DMD: variants seen among roughly 807,000 people sequenced by gnomAD.
The protein encoded by DMD is mutant dystrophin.
DMD carries 63 observed loss-of-function variants against 330.1 expected under a neutral mutation model. The ratio of observed to expected loss-of-function variants is 0.19; its 90% CI spans 0.16 to 0.24. The LOEUF is 0.24. DMD is among the 10% of genes least tolerant of loss of function. DMD has a pLI of 1.00. For missense variants in DMD, 3,344 were observed against 2,684.1 expected (o/e 1.25, Z -5.43); for synonymous variants, 1,223 against 959.8 (o/e 1.27, Z -5.07).
At chrX:31,634,545 C>T (rs960111930) in intron 54 of DMD, among the ~76,000 whole-genome samples, 1 of 111,345 alleles carries the variant, frequency 9.0e-6, no homozygotes, top group Non-Finnish European at 1.9e-5. Flanking sequence ...CTGATACAGA[C>T]ATTTTATTTT....
intron 53 of DMD, among the ~76,000 whole-genome samples, chrX:31,676,319 T>C (rs1187378890): frequency 8.9e-6 from 1 of 112,619 alleles, no homozygotes; most frequent in Non-Finnish European, 1.9e-5. Context: ...TTAGTAGTGA[T>C]GACACATTCG....
intron 29 of DMD, among the ~76,000 whole-genome samples, chrX:32,419,802 T>C (rs924960615): frequency 4.5e-5 from 5 of 112,159 alleles, no homozygotes; most frequent in African/African-American, 1.3e-4. Context: ...GAAGGAAGCA[T>C]ACTTGAAAGT....
At chrX:31,664,711 T>A (rs2081332161) in intron 53 of DMD, among the ~76,000 whole-genome samples, 1 of 103,517 alleles carries the variant, frequency 9.7e-6, no homozygotes, top group South Asian at 4.7e-4. Flanking sequence ...TCTACTTCCA[T>A]TGACACTACC....
intron 55 of DMD, among the ~76,000 whole-genome samples, chrX:31,511,921 A>G (rs1242681831): frequency 9.4e-6 from 1 of 106,916 alleles, no homozygotes; most frequent in African/African-American, 3.4e-5. Context: ...TGACTTCCAC[A>G]ATGGTTGAAC....
chrX:31,705,010 A>T (rs1569264255), intron 52 of DMD, among the ~76,000 whole-genome samples: 1 of 112,438 alleles, frequency 8.9e-6, no homozygotes, highest in Non-Finnish European at 1.9e-5. Flanking sequence ...AAACTAAAAA[A>T]GAAAATTTTC....
rs562907867 is a variant in DMD, at chrX:32,904,862, C to A, written c.94-55042G>T. Among the ~76,000 whole-genome samples the A allele has an allele frequency of 5.0e-4, 56 of 112,437 alleles. 1 individual carries two copies. Among genetic ancestry groups the A allele is most frequent in the African/African-American group, 1.6e-3 (51 of 30,960 alleles). On this transcript the variant is annotated intron_variant, in intron 2 of 78. Coordinates refer to ENST00000357033, the MANE Select transcript of DMD (RefSeq NM_004006.3). ...AAGTGCTGGGATTACAGGCATGAGC[C>A]ACTGCACTCAGCCCATAATGTTTTA...
intron 9 of DMD, among the ~76,000 whole-genome samples, chrX:32,670,632 T>C (rs1301198114): frequency 8.9e-6 from 1 of 112,009 alleles, no homozygotes; most frequent in African/African-American, 3.2e-5. Context: ...AGTGATAACA[T>C]GTATATGTGA....
chrX:33,040,569 A>G (rs1404976772), intron 1 of DMD, among the ~76,000 whole-genome samples: 3 of 111,203 alleles, frequency 2.7e-5, no homozygotes, highest in African/African-American at 9.8e-5. Context: ...ACGGGATAGC[A>G]GCAGCCCATC....
chrX:32,056,932 G>C (rs2096180660), intron 44 of DMD, among the ~76,000 whole-genome samples: 1 of 111,146 alleles, frequency 9.0e-6, no homozygotes, highest in Non-Finnish European at 1.9e-5. Context: ...GAGCCATATA[G>C]GATTTATTCT....
intron 44 of DMD, among the ~76,000 whole-genome samples, chrX:32,025,734 G>C (rs900367174): frequency 9.0e-6 from 1 of 111,501 alleles, no homozygotes; most frequent in Non-Finnish European, 1.9e-5. Flanking sequence ...ATTTTTACCT[G>C]AGAAGTGTGG....
chrX:32,935,171 G>GAT (rs2089912979), intron 2 of DMD, among the ~76,000 whole-genome samples: 1 of 112,736 alleles, frequency 8.9e-6, no homozygotes, highest in Admixed American at 9.4e-5. Context: ...GTAGAGACGG[G>GAT]GTTTCACCGT....
intron 2 of DMD, among the ~76,000 whole-genome samples, chrX:32,922,119 C>G (rs987834484): frequency 9.1e-6 from 1 of 110,225 alleles, no homozygotes; most frequent in African/African-American, 3.3e-5. Flanking sequence ...AAAGGCTCCC[C>G]CAAAGGACTG....
At chrX:31,642,863 G>A (rs888535839) in intron 54 of DMD, among the ~76,000 whole-genome samples, 2 of 111,915 alleles carry the variant, frequency 1.8e-5, no homozygotes, top group Non-Finnish European at 1.9e-5. Context: ...CACAGGATGG[G>A]ACAGCACATC....
intron 64 of DMD, among the ~76,000 whole-genome samples, chrX:31,210,479 C>G (rs1450041751): frequency 1.8e-5 from 2 of 112,210 alleles, no homozygotes; most frequent in African/African-American, 6.5e-5. Context: ...GAAACTTCAA[C>G]CTTGTCCAAC....
At position 32,394,754 on chromosome X, in the gene DMD, G is replaced by C. The variant is rs186049807; in HGVS notation, c.4234-4573C>G. Among the ~76,000 whole-genome samples, 50 of 108,717 alleles carry C rather than the reference G, an allele frequency of 4.6e-4. 1 individual carries two copies. In the South Asian group the frequency reaches 0.02, roughly 43 times the overall value. 94.4% of individuals were successfully genotyped at this position (108,717 alleles called of 115,157 possible). On this transcript the variant is annotated intron_variant, in intron 30 of 78. Transcript: ENST00000357033. ...AATAAGAATACACTCAGAGAGGGTAGAGGGCCCAAATTATACATCTGTAAT... is the reference window on the plus strand; with the variant it reads ...AATAAGAATACACTCAGAGAGGGTACAGGGCCCAAATTATACATCTGTAAT...
chrX:32,632,405 G>A lies in DMD; in HGVS notation c.1331+11727C>T, dbSNP rs150204569. Among the ~76,000 whole-genome samples the A allele has an allele frequency of 2.7e-5, 3 of 111,850 alleles. No homozygotes were observed. The East Asian group carries it at 8.5e-4, about 32-fold the overall frequency. On this transcript the variant is annotated intron_variant, in intron 11 of 78. Coordinates refer to ENST00000357033, the MANE Select transcript of DMD (RefSeq NM_004006.3). ...CTGTCAGTGGATCTACCATTCTGGA[G>A]TCTGGAGGACAGTGGCCCTCTTCTT...
chrX:32,511,533 A>AGG (rs1282291971), intron 18 of DMD, among the ~76,000 whole-genome samples: 2 of 106,884 alleles, frequency 1.9e-5, no homozygotes, highest in Non-Finnish European at 3.9e-5. Flanking sequence ...GGAAAAAAAA[A>AGG]AAAAAAAAAA....
intron 9 of DMD, among the ~76,000 whole-genome samples, chrX:32,654,302 CTTA>C (rs1200927632): frequency 3.6e-5 from 4 of 111,437 alleles, no homozygotes; most frequent in African/African-American, 1.3e-4. Context: ...ATACATAGCT[CTTA>C]TTATTTTAAG....
intron 1 of DMD, among the ~76,000 whole-genome samples, chrX:33,083,048 GA>G (rs1258502030): frequency 9.0e-6 from 1 of 111,074 alleles, no homozygotes; most frequent in East Asian, 2.8e-4. Flanking sequence ...GAGAAAGAGA[GA>G]GAGAGAGAGA....
Sources: gnomAD v4.1 joint callset for allele counts (sites outside exome capture counted in the v4.1 genomes callset) on GRCh38, gnomAD v4.1.1 for gene constraint, MANE v1.5 for transcripts, NCBI Gene and HGNC (gene_info 2026-07-23, HGNC 2026-07-21) for gene names.